Variants in ARHGAP15 observed in about 807,000 individuals in gnomAD.
ARHGAP15 encodes Rho GTPase activating protein 15, also known as rho GTPase-activating protein 15.
In ARHGAP15, 51 loss-of-function variants were observed where a neutral mutation model predicts 63.7. That is an observed-to-expected ratio of 0.80 (90% CI 0.64 to 1.01). The LOEUF (loss-of-function observed/expected upper bound fraction) is 1.01. Ranked by LOEUF, ARHGAP15 falls within the 50% of genes least tolerant of loss-of-function variation. The pLI, the probability that ARHGAP15 is intolerant of heterozygous loss-of-function variation, is 0.00. For missense variants in ARHGAP15, 560 were observed against 564.6 expected (o/e 0.99, Z 0.08); for synonymous variants, 191 against 193.8 (o/e 0.99, Z 0.12).
At chr2:143,606,605 T>C (rs1364196180) in intron 11 of ARHGAP15, 1 of 152,222 alleles carries the variant, frequency 6.6e-6, no homozygotes, top group African/African-American at 2.4e-5. Flanking sequence ...TCAACCACTG[T>C]ATATAGACAA....
chr2:143,159,985 A>G (rs1430407988), intron 2 of ARHGAP15, among the ~76,000 whole-genome samples: 1 of 151,856 alleles, frequency 6.6e-6, no homozygotes, highest in Non-Finnish European at 1.5e-5. Flanking sequence ...ACAGACAATT[A>G]TTTTCTCGTA....
chr2:143,220,898 A>G lies in ARHGAP15; in HGVS notation c.296+4453A>G, dbSNP rs1015599694. Among the ~76,000 whole-genome samples the G allele has an allele frequency of 2.6e-5, 4 of 152,178 alleles. No individual in the cohort carries two copies. In the East Asian group the frequency reaches 5.8e-4, roughly 22 times the overall value. On this transcript the variant is annotated intron_variant, in intron 4 of 13. Coordinates refer to ENST00000295095, the MANE Select transcript of ARHGAP15 (RefSeq NM_018460.4). ...TCAGTAATACTTAAATGATACTACA[A>G]TATAGACTCTATTATTGCTTCCTAT...
In ARHGAP15 at chr2:143,555,922, G is replaced by C. The variant is rs191913639; in HGVS notation, c.926-486G>C. ...GAATAGAATAGAATAGAATAGAATA[G>C]AATAGAACAGAGTAGAAATGGAGAG... On this transcript the variant is annotated intron_variant, in intron 10 of 13. Transcript: ENST00000295095. Among the ~76,000 whole-genome samples, 4 of 128,072 alleles carry C rather than the reference G, an allele frequency of 3.1e-5. No homozygotes were observed. The East Asian group carries it at 9.3e-4, about 30-fold the overall frequency. The allele number at this position is 128,072 out of a possible 152,430, so 84.0% of individuals were successfully genotyped here. A position where few individuals can be genotyped will look rare whatever the true frequency, so the allele number is the denominator to read the frequency against.
intron 9 of ARHGAP15, among the ~76,000 whole-genome samples, chr2:143,494,918 A>G (rs1015423894): frequency 1.3e-5 from 2 of 152,196 alleles, no homozygotes; most frequent in African/African-American, 4.8e-5. Context: ...CCATTTTACA[A>G]TTAAGAAAAA....
chr2:143,225,710 T>C (rs1272212078), intron 4 of ARHGAP15, among the ~76,000 whole-genome samples: 1 of 149,618 alleles, frequency 6.7e-6, no homozygotes, highest in African/African-American at 2.6e-5. Flanking sequence ...TAACTTTAAA[T>C]CTAAGTGTAA....
intron 6 of ARHGAP15, among the ~76,000 whole-genome samples, chr2:143,398,268 G>T (rs1015638458): frequency 2.6e-5 from 4 of 152,068 alleles, no homozygotes; most frequent in Admixed American, 2.0e-4. Context: ...AACTCTAAGA[G>T]AATTAAAGTT....
chr2:143,566,797 G>C (rs1696242194), intron 11 of ARHGAP15, among the ~76,000 whole-genome samples: 1 of 151,888 alleles, frequency 6.6e-6, no homozygotes, highest in Non-Finnish European at 1.5e-5. Context: ...ATTCGTCTGA[G>C]ACATGCCTTC....
chr2:143,582,686 AC>A (rs1421160197), intron 11 of ARHGAP15, among the ~76,000 whole-genome samples: 1 of 152,132 alleles, frequency 6.6e-6, no homozygotes, highest in African/African-American at 2.4e-5. Flanking sequence ...GTGGAGACAA[AC>A]TTTTTTCTAC....
chr2:143,368,981 A>G (rs896300754), intron 6 of ARHGAP15, among the ~76,000 whole-genome samples: 2 of 152,266 alleles, frequency 1.3e-5, no homozygotes. Context: ...AAATAACAAT[A>G]TTAGAATGAT....
intron 12 of ARHGAP15, among the ~76,000 whole-genome samples, chr2:143,690,930 C>T (rs758687022): frequency 2.0e-5 from 3 of 152,084 alleles, no homozygotes; most frequent in Non-Finnish European, 2.9e-5. Flanking sequence ...GTCATATCCC[C>T]CGTGATCAGA....
At chr2:143,380,697 C>T (rs931805971) in intron 6 of ARHGAP15, among the ~76,000 whole-genome samples, 4 of 152,006 alleles carry the variant, frequency 2.6e-5, no homozygotes, top group Non-Finnish European at 4.4e-5. Flanking sequence ...AAAATGAAGC[C>T]TTTAAAGTAA....
chr2:143,651,380 C>T (rs937317596), intron 12 of ARHGAP15, among the ~76,000 whole-genome samples: 4 of 151,876 alleles, frequency 2.6e-5, no homozygotes, highest in Admixed American at 6.6e-5. Flanking sequence ...TTTTAAATTT[C>T]ATTAATGCTG....
In ARHGAP15 at chr2:143,328,908, T is replaced by C. The variant is rs936530789; in HGVS notation, c.474+78308T>C. ...TACTGTGTTTACCCTGATGTGATTG[T>C]TATGCATTACATGCCTGTATCAAAA... On this transcript the variant is annotated intron_variant, in intron 6 of 13. Coordinates refer to ENST00000295095, the MANE Select transcript of ARHGAP15 (RefSeq NM_018460.4). 2.2e-4 allele frequency among the ~76,000 whole-genome samples: 33 copies of C among 152,264 alleles called. 1 individual carries two copies. The highest frequency in any genetic ancestry group is 2.0e-3 in the Admixed American group (30 of 15,284).
At chr2:143,396,819 A>G (rs2104984529) in intron 6 of ARHGAP15, among the ~76,000 whole-genome samples, 1 of 152,186 alleles carries the variant, frequency 6.6e-6, no homozygotes, top group South Asian at 2.1e-4. Flanking sequence ...TCCCAGGAGC[A>G]CACTGGAGTG....
At chr2:143,722,721 G>C (rs1574891680) in intron 13 of ARHGAP15, among the ~76,000 whole-genome samples, 2 of 152,246 alleles carry the variant, frequency 1.3e-5, no homozygotes, top group African/African-American at 4.8e-5. Context: ...GAAAGGTGGA[G>C]CTGGTGAGAT....
intron 13 of ARHGAP15, among the ~76,000 whole-genome samples, chr2:143,714,601 C>T (rs951022612): frequency 2.0e-5 from 3 of 152,220 alleles, no homozygotes; most frequent in Non-Finnish European, 2.9e-5. Flanking sequence ...GCTCTGTTTC[C>T]CTTCTAAAAC....
intron 2 of ARHGAP15, among the ~76,000 whole-genome samples, chr2:143,183,354 A>C (rs1691311056): frequency 6.6e-6 from 1 of 152,218 alleles, no homozygotes; most frequent in African/African-American, 2.4e-5. Flanking sequence ...AATTAGCATC[A>C]GCCTAAAGAG....
At chr2:143,765,729 A>G (rs964849968) in intron 13 of ARHGAP15, among the ~76,000 whole-genome samples, 2 of 152,060 alleles carry the variant, frequency 1.3e-5, no homozygotes, top group Non-Finnish European at 1.5e-5. Context: ...AAGCCGGCCC[A>G]GTTACTAGGG....
chr2:143,486,231 T>C (rs1384549449), intron 8 of ARHGAP15, among the ~76,000 whole-genome samples: 2 of 152,072 alleles, frequency 1.3e-5, no homozygotes, highest in Admixed American at 1.3e-4. Flanking sequence ...AGTTAAGATA[T>C]ATATCTTGTC....
Sources: gnomAD v4.1 joint callset for allele counts (sites outside exome capture counted in the v4.1 genomes callset) on GRCh38, gnomAD v4.1.1 for gene constraint, MANE v1.5 for transcripts, NCBI Gene and HGNC (gene_info 2026-07-23, HGNC 2026-07-21) for gene names.